The following ATG7 variants were observed in gnomAD, a reference collection of about 807,000 sequenced individuals.
ATG7 encodes autophagy related 7.
ATG7 carries 70 observed loss-of-function variants against 82.4 expected under a neutral mutation model. The observed-to-expected ratio is 0.85, with a 90% CI of 0.70 to 1.04. The LOEUF is 1.04. ATG7 is among the 50% of genes least tolerant of loss of function. The pLI is 0.00. For missense variants in ATG7, 792 were observed against 864.3 expected (o/e 0.92, Z 1.05); for synonymous variants, 287 against 313.0 (o/e 0.92, Z 0.88).
chr3:11,544,306 T>A (rs933377932), intron 20 of ATG7, among the ~76,000 whole-genome samples: 6 of 152,192 alleles, frequency 3.9e-5, no homozygotes, highest in African/African-American at 1.4e-4. Flanking sequence ...GGCCCAGGTA[T>A]GGCTGCAAAA....
chr3:11,322,140 A>G (rs1342911387), intron 9 of ATG7, among the ~76,000 whole-genome samples: 1 of 152,238 alleles, frequency 6.6e-6, no homozygotes, highest in Non-Finnish European at 1.5e-5. Flanking sequence ...TGATTGCTTA[A>G]TGCTGGAGTT....
intron 20 of ATG7, among the ~76,000 whole-genome samples, chr3:11,522,253 A>G (rs1476689481): frequency 6.6e-6 from 1 of 152,174 alleles, no homozygotes; most frequent in East Asian, 1.9e-4. Flanking sequence ...TGGAAGAGGT[A>G]AGTCACCACG....
At chr3:11,416,157 G>T (rs1200584528) in intron 19 of ATG7, among the ~76,000 whole-genome samples, 2 of 152,130 alleles carry the variant, frequency 1.3e-5, no homozygotes, top group Non-Finnish European at 2.9e-5. Context: ...GAGATATATT[G>T]GTCTGTAGTT....
intron 19 of ATG7, among the ~76,000 whole-genome samples, chr3:11,417,784 A>AATTATT (rs139624584): frequency 1.8e-5 from 1 of 56,768 alleles, no homozygotes; most frequent in African/African-American, 5.0e-5. Flanking sequence ...GCATTTAAAA[A>AATTATT]ATTATTATTA....
At chr3:11,393,124 C>G (rs1307996677) in intron 19 of ATG7, among the ~76,000 whole-genome samples, 1 of 152,170 alleles carries the variant, frequency 6.6e-6, no homozygotes, top group African/African-American at 2.4e-5. Flanking sequence ...CAGAGTGCCA[C>G]TGCAGAAAGT....
chr3:11,540,266 A>G (rs1391359109), intron 20 of ATG7, among the ~76,000 whole-genome samples: 1 of 152,150 alleles, frequency 6.6e-6, no homozygotes, highest in Non-Finnish European at 1.5e-5. Flanking sequence ...GTGGCATCTC[A>G]TTATGGCTTT....
At chr3:11,449,009 G>A (rs1431804083) in intron 20 of ATG7, among the ~76,000 whole-genome samples, 1 of 152,210 alleles carries the variant, frequency 6.6e-6, no homozygotes, top group African/African-American at 2.4e-5. Context: ...AGGGTTAACT[G>A]TAAGACATGA....
chr3:11,304,312 A>G (rs1947352105), intron 5 of ATG7, among the ~76,000 whole-genome samples: 1 of 152,206 alleles, frequency 6.6e-6, no homozygotes, highest in Non-Finnish European at 1.5e-5. Context: ...TAACTGCCTA[A>G]TTGAATTACA....
At chr3:11,383,982 G>T (rs1048636533) in intron 19 of ATG7, among the ~76,000 whole-genome samples, 5 of 152,102 alleles carry the variant, frequency 3.3e-5, no homozygotes, top group Admixed American at 2.0e-4. Context: ...TTCCTATCAA[G>T]ATATTAGTGT....
At chr3:11,563,406 C>T in the ATG7 span, among the ~76,000 whole-genome samples, 28 of 152,368 alleles carry the variant, frequency 1.8e-4, no homozygotes, top group African/African-American at 6.7e-4. Context: ...GAGCAGTGAG[C>T]GGGTCCCTGT....
chr3:11,296,987 A>G (rs1946033323), intron 3 of ATG7, among the ~76,000 whole-genome samples: 2 of 152,216 alleles, frequency 1.3e-5, no homozygotes, highest in African/African-American at 4.8e-5. Context: ...AGTTTGGAAA[A>G]CTGAAAGCTT....
chr3:11,433,461 G>A (rs1329422177), intron 20 of ATG7, among the ~76,000 whole-genome samples: 1 of 152,010 alleles, frequency 6.6e-6, no homozygotes, highest in African/African-American at 2.4e-5. Context: ...GTATTTATTT[G>A]TTCCAACTGT....
At chr3:11,567,101 T>C in the ATG7 span, among the ~76,000 whole-genome samples, 6 of 152,252 alleles carry the variant, frequency 3.9e-5, no homozygotes, top group Admixed American at 6.5e-5. Context: ...CAGCCTCGGC[T>C]GTGATGTTGT....
chr3:11,554,507 C>CAGAG lies in ATG7; in HGVS notation c.2080-303_2080-300dup, dbSNP rs1198113315. On this transcript the variant is annotated intron_variant, in intron 20 of 20. Transcript: ENST00000693202. Reference sequence around the variant, plus strand: ...TGAGTGCTGCAGAAGCCAGGATGAGCAGAGGCTGGCTGGGTCAGGGACGGT... The same window carrying CAGAG: ...TGAGTGCTGCAGAAGCCAGGATGAGCAGAGAGAGGCTGGCTGGGTCAGGGACGGT... Among the ~76,000 whole-genome samples the CAGAG allele has an allele frequency of 2.0e-5, 3 of 152,192 alleles. No individual in the cohort carries two copies. In the East Asian group the frequency reaches 5.8e-4, roughly 29 times the overall value.
At chr3:11,560,027 G>A (rs752556541), downstream of ATG7, among the ~76,000 whole-genome samples, 3 of 152,022 alleles carry the variant, frequency 2.0e-5, no homozygotes, top group Non-Finnish European at 4.4e-5. Flanking sequence ...AGCCCGATCT[G>A]CCCTGTGCAC....
At chr3:11,455,056 A>G (rs546430267) in intron 20 of ATG7, among the ~76,000 whole-genome samples, 2 of 152,366 alleles carry the variant, frequency 1.3e-5, no homozygotes, top group South Asian at 2.1e-4. Context: ...AGTTATTTAC[A>G]TATAAATTCT....
At chr3:11,293,962 G>A (rs1945412476) in intron 3 of ATG7, among the ~76,000 whole-genome samples, 1 of 148,968 alleles carries the variant, frequency 6.7e-6, no homozygotes, top group African/African-American at 2.5e-5. Flanking sequence ...AGGTTGCTGT[G>A]AGCTGAAATT....
At chr3:11,291,742 A>C (rs913282946) in intron 3 of ATG7, among the ~76,000 whole-genome samples, 1 of 152,228 alleles carries the variant, frequency 6.6e-6, no homozygotes, top group African/African-American at 2.4e-5. Context: ...GGAAGTGTTC[A>C]TCTGTCACCA....
chr3:11,328,105 G>A (rs1951129907), intron 9 of ATG7, among the ~76,000 whole-genome samples: 1 of 152,164 alleles, frequency 6.6e-6, no homozygotes, highest in Admixed American at 6.5e-5. Flanking sequence ...CAGGAGCCTG[G>A]TACAGATAAA....
Sources: allele counts gnomAD v4.1 joint callset (sites outside exome capture counted in the v4.1 genomes callset), GRCh38; gene constraint gnomAD v4.1.1; transcripts MANE v1.5; gene names NCBI Gene and HGNC (gene_info 2026-07-23, HGNC 2026-07-21).